Variants in ABCC1 observed in about 807,000 individuals in gnomAD.
The protein encoded by ABCC1 is ATP binding cassette subfamily C member 1 (ABCC1 blood group), also known as multidrug resistance-associated protein 1.
ABCC1 carries 83 observed loss-of-function variants against 172.9 expected under a neutral mutation model. The ratio of observed to expected loss-of-function variants is 0.48; its 90% confidence interval spans 0.40 to 0.58. ABCC1 has a LOEUF of 0.58. Among genes scored for constraint, ABCC1 ranks in the 20% least tolerant of loss-of-function variants. The pLI is 0.00. For missense variants in ABCC1, 1,817 were observed against 2,002.7 expected, an observed-to-expected ratio of 0.91 and a Z score of 1.77; for synonymous variants, 937 against 825.2, an observed-to-expected ratio of 1.14 and a Z score of -2.32.
intron 1 of ABCC1, among the ~76,000 whole-genome samples, chr16:15,994,614 A>C (rs1172042360): frequency 1.3e-5 from 2 of 152,298 alleles, no homozygotes; most frequent in East Asian, 3.9e-4. Context: ...TGAAGTGCGA[A>C]CTAGCTTTCT....
chr16:16,125,009 G>C (rs907526554), intron 25 of ABCC1, 94 bp downstream of exon 25: 1 of 1,568,808 alleles, frequency 6.4e-7, no homozygotes, highest in Non-Finnish European at 8.7e-7. Flanking sequence ...CAGGAATGGG[G>C]GAGAGGAACT....
chr16:16,122,825 A>AT (rs2045229547), intron 24 of ABCC1, among the ~76,000 whole-genome samples: 1 of 151,806 alleles, frequency 6.6e-6, no homozygotes, highest in African/African-American at 2.4e-5. Context: ...TCAAAGTTGC[A>AT]TTGAGCTATG....
intron 1 of ABCC1, among the ~76,000 whole-genome samples, chr16:15,984,679 C>T (rs1306603190): frequency 1.3e-5 from 2 of 151,996 alleles, no homozygotes; most frequent in African/African-American, 2.4e-5. Flanking sequence ...CCCCTGACCT[C>T]GTGATCTGCC....
chr16:15,989,860 C>T (rs1013320547), intron 1 of ABCC1, among the ~76,000 whole-genome samples: 2 of 152,066 alleles, frequency 1.3e-5, no homozygotes, highest in African/African-American at 4.8e-5. Flanking sequence ...CGTGCTTAGA[C>T]AGGGCTCTGG....
intron 21 of ABCC1, 140 bp downstream of exon 21, chr16:16,107,013 C>T: frequency 7.8e-7 from 1 of 1,277,766 alleles, no homozygotes; most frequent in Non-Finnish European, 1.1e-6. Flanking sequence ...ATTTGCAGCA[C>T]CAGAAACTGA....
At chr16:16,016,278 C>T (rs994324180) in intron 4 of ABCC1, among the ~76,000 whole-genome samples, 5 of 151,658 alleles carry the variant, frequency 3.3e-5, no homozygotes, top group South Asian at 2.1e-4. Context: ...CTCAGCCTCC[C>T]GAGTAGCTGG....
At position 15,966,657 on chromosome 16, in the gene ABCC1, T is replaced by TG. The variant is rs113620613; in HGVS notation, c.48+16858_48+16859insG. 6.3e-3 allele frequency among the ~76,000 whole-genome samples: 956 copies of TG among 150,832 alleles called. 9 individuals carry two copies. The highest frequency in any genetic ancestry group is 0.02 in the African/African-American group (824 of 41,226). On this transcript the variant is annotated intron_variant, in intron 1 of 30. Coordinates refer to ENST00000399410, the MANE Select transcript of ABCC1 (RefSeq NM_004996.4). ...AGTTTGCTTTTCTCTCTCTCTTTTT[T>TG]TTTTTTTTTTAGAGACAGAGACTCA...
chr16:16,118,196 A>G (rs1175657213), intron 23 of ABCC1, among the ~76,000 whole-genome samples: 1 of 152,170 alleles, frequency 6.6e-6, no homozygotes, highest in African/African-American at 2.4e-5. Context: ...AGATGGGAGC[A>G]TTCCAGCTGC....
intron 1 of ABCC1, among the ~76,000 whole-genome samples, chr16:15,987,978 G>A (rs1170729821): frequency 6.6e-6 from 1 of 152,120 alleles, no homozygotes; most frequent in African/African-American, 2.4e-5. Flanking sequence ...TTTTAATTGA[G>A]ATGGAGTCTC....
intron 9 of ABCC1, 28 bp from the exon 10 acceptor site, chr16:16,048,114 C>A (rs1435186758): frequency 1.9e-6 from 3 of 1,612,980 alleles, no homozygotes; most frequent in Admixed American, 1.7e-5. Context: ...GCCACACTCA[C>A]CCACCTTCCC....
intron 9 of ABCC1, among the ~76,000 whole-genome samples, chr16:16,047,163 A>G (rs1442953053): frequency 6.6e-6 from 1 of 152,024 alleles, no homozygotes; most frequent in African/African-American, 2.4e-5. Context: ...GCATCCCTGC[A>G]TTCCGGCCTG....
At chr16:16,047,123 C>T (rs1437916695) in intron 9 of ABCC1, among the ~76,000 whole-genome samples, 3 of 152,032 alleles carry the variant, frequency 2.0e-5, no homozygotes, top group African/African-American at 4.8e-5. Context: ...ACTTCAGCCC[C>T]GGAGTTGGAG....
At chr16:16,077,396 G>T (rs906307048) in intron 15 of ABCC1, among the ~76,000 whole-genome samples, 3 of 152,142 alleles carry the variant, frequency 2.0e-5, no homozygotes, top group African/African-American at 7.2e-5. Flanking sequence ...GTTCTGTCTT[G>T]TTGAGCTGCA....
intron 1 of ABCC1, among the ~76,000 whole-genome samples, chr16:15,965,718 G>A (rs548391738): frequency 2.0e-5 from 3 of 152,034 alleles, no homozygotes; most frequent in African/African-American, 4.8e-5. Flanking sequence ...TGCCTCAGCC[G>A]CTGGAGTAGC....
At chr16:16,107,901 A>AC (rs914979987) in intron 21 of ABCC1, among the ~76,000 whole-genome samples, 31 of 151,706 alleles carry the variant, frequency 2.0e-4, no homozygotes, top group Non-Finnish European at 4.3e-4. Context: ...AAAAAAAAAA[A>AC]CATGAAAGGT....
chr16:15,990,026 G>A (rs550070299), intron 1 of ABCC1, among the ~76,000 whole-genome samples: 43 of 152,014 alleles, frequency 2.8e-4, no homozygotes, highest in African/African-American at 9.9e-4. Flanking sequence ...ACAGGTGTGA[G>A]CCACTGTGCC....
At chr16:16,130,632 A>G (rs1428059736) in intron 26 of ABCC1, among the ~76,000 whole-genome samples, 2 of 152,226 alleles carry the variant, frequency 1.3e-5, no homozygotes, top group Non-Finnish European at 2.9e-5. Flanking sequence ...TATGGATAAG[A>G]TATACCTCCA....
chr16:16,105,940 A>G (rs992457215), intron 20 of ABCC1, among the ~76,000 whole-genome samples: 1 of 149,216 alleles, frequency 6.7e-6, no homozygotes, highest in Non-Finnish European at 1.5e-5. Flanking sequence ...GCAGTGGTGC[A>G]ATCACGGCTC....
At chr16:16,015,265 C>A (rs1809815) in intron 4 of ABCC1, among the ~76,000 whole-genome samples, 8 of 151,828 alleles carry the variant, frequency 5.3e-5, no homozygotes, top group Non-Finnish European at 7.4e-5. Context: ...TCAGCCTCCC[C>A]AGTAGCTGGG....
Sources: allele counts gnomAD v4.1 joint callset (sites outside exome capture counted in the v4.1 genomes callset), GRCh38; gene constraint gnomAD v4.1.1; transcripts MANE v1.5; gene names NCBI Gene and HGNC (gene_info 2026-07-23, HGNC 2026-07-21).